Variants in MAP3K13 observed in about 807,000 individuals in gnomAD.
MAP3K13 encodes the protein mitogen-activated protein kinase kinase kinase 13.
A neutral mutation model predicts 104.0 loss-of-function variants in MAP3K13; 52 were observed. The observed-to-expected ratio is 0.50, with a 90% CI of 0.40 to 0.63. The LOEUF is 0.63. MAP3K13 is among the 20% of genes least tolerant of loss of function. The pLI is 0.00. For synonymous variants in MAP3K13, 394 were observed against 442.2 expected (o/e 0.89, Z 1.37); for missense variants, 914 against 1,218.5 (o/e 0.75, Z 3.72).
rs1204762422 is a variant in MAP3K13 at position 185,315,364 on chromosome 3, T to C, written c.-86+29721T>C. 3.3e-5 allele frequency among the ~76,000 whole-genome samples: 5 copies of C among 152,156 alleles called. No homozygotes were observed. Among genetic ancestry groups the C allele is most frequent in the African/African-American group, 1.2e-4 (5 of 41,432 alleles). ...CTTAACAAAAAGGGGAGAGAATGTA[T>C]GTGTGTATGTCTTAACAAAAACAGA... is the stretch of plus-strand genomic sequence containing the variant. On this transcript the variant is annotated intron_variant, in intron 2 of 14. Coordinates refer to the MAP3K13 transcript ENST00000424227. The surrounding 1 kb of genome is among the most constrained non-coding windows in gnomAD (Gnocchi z 4.3).
At chr3:185,446,985 A>T (rs1168156946) in intron 4 of MAP3K13, among the ~76,000 whole-genome samples, 1 of 152,236 alleles carries the variant, frequency 6.6e-6, no homozygotes, top group Non-Finnish European at 1.5e-5. Flanking sequence ...GCACTACCTT[A>T]GACATCCAGC....
chr3:185,453,773 A>AC (rs1323533305), intron 7 of MAP3K13, among the ~76,000 whole-genome samples: 1 of 143,718 alleles, frequency 7.0e-6, no homozygotes, highest in Non-Finnish European at 1.5e-5. Flanking sequence ...CGTCTAAAAA[A>AC]AAAAAAAATT....
intron 1 of MAP3K13, among the ~76,000 whole-genome samples, chr3:185,285,218 C>T (rs768884611): frequency 8.5e-5 from 13 of 152,080 alleles, no homozygotes; most frequent in Admixed American, 2.0e-4. Context: ...CTGGAAAGTG[C>T]CCAGAATCAT....
Position 185,400,145 on chromosome 3 carries a change from C to G in MAP3K13, c.-85-28352C>G, listed in dbSNP as rs181870335. 2.6e-5 allele frequency among the ~76,000 whole-genome samples: 4 copies of G among 152,324 alleles called. No homozygotes were observed. The East Asian group carries it at 7.7e-4, about 29-fold the overall frequency. ...GGAGAAAAGAAAAAAATCCTCGAATCCACCTTTCCAGCCCTATTTTCGACA... is the reference window on the plus strand; with the variant it reads ...GGAGAAAAGAAAAAAATCCTCGAATGCACCTTTCCAGCCCTATTTTCGACA... On this transcript the variant is annotated intron_variant, in intron 1 of 13. Transcript: ENST00000265026.
At chr3:185,471,739 C>T (rs991650129) in intron 10 of MAP3K13, among the ~76,000 whole-genome samples, 7 of 152,094 alleles carry the variant, frequency 4.6e-5, no homozygotes, top group Non-Finnish European at 4.4e-5. Context: ...GGATTATAGG[C>T]GTGAGCCACC....
In MAP3K13 at chr3:185,473,099, C is replaced by T; in HGVS notation, c.1768C>T (p.His590Tyr). 2.5e-6 allele frequency: 4 copies of T among 1,614,170 alleles called. No homozygotes were observed. The East Asian group carries it at 8.9e-5, about 36-fold the overall frequency. Reference sequence around the variant, plus strand: ...GAGCCGATATCGAAGCAAACCACGCCACCGCCGAGGGAATAGCAGAGGCAG... The same window carrying T: ...GAGCCGATATCGAAGCAAACCACGCTACCGCCGAGGGAATAGCAGAGGCAG... ...SKSRYRSKPR[H>Y]RRGNSRGSHS... Residue 590 changes from histidine to tyrosine, a missense_variant, in exon 11 of 14, where the codon CAC (histidine) becomes TAC (tyrosine). His to Tyr is a moderately conservative substitution (Grantham distance 83). Coordinates refer to ENST00000265026, the MANE Select transcript of MAP3K13 (RefSeq NM_004721.5). This position sits in a 1 kb window ranked among gnomAD's most constrained non-coding sequence, Gnocchi z 4.9.
At chr3:185,476,959 G>T (rs1718167111) in intron 11 of MAP3K13, 1 of 368,740 alleles carries the variant, frequency 2.7e-6, no homozygotes. Flanking sequence ...CTATAACAGA[G>T]CCTGGAACCA....
At chr3:185,294,847 A>G (rs1211840132) in intron 2 of MAP3K13, among the ~76,000 whole-genome samples, 2 of 152,194 alleles carry the variant, frequency 1.3e-5, no homozygotes, top group Non-Finnish European at 2.9e-5. Flanking sequence ...CATGAAACTA[A>G]TCCATTGCAA....
chr3:185,298,577 CTTTATGTTCATTT>C (rs1368704689), intron 2 of MAP3K13, among the ~76,000 whole-genome samples: 1 of 152,016 alleles, frequency 6.6e-6, no homozygotes, highest in Non-Finnish European at 1.5e-5. Flanking sequence ...TTTGATGGAA[CTTTATGTTCATTT>C]TTTAAGAAGT....
At chr3:185,320,613 A>T (rs1320032030) in intron 2 of MAP3K13, among the ~76,000 whole-genome samples, 1 of 152,226 alleles carries the variant, frequency 6.6e-6, no homozygotes, top group East Asian at 1.9e-4. Flanking sequence ...GCTTCTGGAC[A>T]TTACCTCCAC....
intron 2 of MAP3K13, among the ~76,000 whole-genome samples, chr3:185,293,839 T>G (rs368946896): frequency 6.6e-6 from 1 of 152,222 alleles, no homozygotes; most frequent in Admixed American, 6.5e-5. Flanking sequence ...ACAAAGAATT[T>G]AATATCAATT....
At chr3:185,399,577 C>T (rs1444208830) in intron 1 of MAP3K13, among the ~76,000 whole-genome samples, 2 of 142,516 alleles carry the variant, frequency 1.4e-5, no homozygotes, top group Non-Finnish European at 3.0e-5. Flanking sequence ...CATTGCACTC[C>T]AGCCTGGGCA....
chr3:185,428,593 T>G lies in MAP3K13; in HGVS notation c.12T>G (p.Phe4Leu), dbSNP rs372148911. The change falls in exon 2 of 14, where the codon TTT becomes TTG. Residue 4 changes from phenylalanine (F) to leucine (L), a missense_variant. Coordinates refer to ENST00000265026, the MANE Select transcript of MAP3K13 (RefSeq NM_004721.5). The stretch of plus-strand genomic sequence containing the variant: ...ATACTCATGGCACGATGGCCAACTT[T>G]CAGGAGCACCTGAGCTGCTCCTCTT... MAN[F>L]QEHLSCSSSP... 3.9e-4 allele frequency: 621 copies of G among 1,587,644 alleles called. 7 individuals carry two copies. The South Asian group carries it at 6.6e-3, about 17-fold the overall frequency.
rs143182507 is a variant in MAP3K13 at position 185,459,437 on chromosome 3, T to A, written c.1279-4113T>A. On this transcript the variant is annotated intron_variant, in intron 7 of 13. Transcript: ENST00000265026. ...AATAAAGATAGTATAAAATTTGCCA[T>A]TTTAACCATTAAAAAAAATTTTTTT... Among the ~76,000 whole-genome samples the A allele has an allele frequency of 4.6e-5, 7 of 152,260 alleles. No individual in the cohort carries two copies. In the East Asian group the frequency reaches 1.4e-3, roughly 29 times the overall value.
chr3:185,323,263 C>T (rs1257818794), intron 2 of MAP3K13, among the ~76,000 whole-genome samples: 1 of 151,774 alleles, frequency 6.6e-6, no homozygotes, highest in Non-Finnish European at 1.5e-5. Flanking sequence ...TGGTTTTCAC[C>T]AGTTTTTCCA....
intron 1 of MAP3K13, among the ~76,000 whole-genome samples, chr3:185,396,054 A>T (rs181142820): frequency 3.3e-5 from 5 of 152,218 alleles, no homozygotes; most frequent in Non-Finnish European, 7.4e-5. Context: ...TTCTGAGTAT[A>T]TACAAATATA....
chr3:185,341,317 T>C (rs1722716144), intron 2 of MAP3K13, among the ~76,000 whole-genome samples: 1 of 151,194 alleles, frequency 6.6e-6, no homozygotes. Context: ...GAGACTGGAG[T>C]GAAGAAGCTA....
intron 3 of MAP3K13, among the ~76,000 whole-genome samples, chr3:185,439,305 T>C (rs1393798591): frequency 6.6e-6 from 1 of 152,088 alleles, no homozygotes; most frequent in African/African-American, 2.4e-5. Flanking sequence ...ATTCTATCCT[T>C]GGTTGACCTA....
intron 1 of MAP3K13, among the ~76,000 whole-genome samples, chr3:185,380,269 T>C (rs62290216): frequency 0.14 from 21,552 of 149,070 alleles, 1,871 homozygotes; most frequent in East Asian, 0.32. Context: ...TCCCAGCACT[T>C]TGGGAAGCCA....
Sources: allele counts gnomAD v4.1 joint callset (sites outside exome capture counted in the v4.1 genomes callset), GRCh38; gene constraint gnomAD v4.1.1; non-coding constraint Gnocchi (gnomAD v3.1); transcripts MANE v1.5; gene names NCBI Gene and HGNC (gene_info 2026-07-23, HGNC 2026-07-21).